PRICKLE1: variants seen among roughly 807,000 people sequenced by gnomAD.
The protein encoded by PRICKLE1 is prickle-like protein 1.
Under a neutral mutation model 70.2 loss-of-function variants are expected in PRICKLE1, and 14 were observed. The ratio of observed to expected loss-of-function variants is 0.20; its 90% CI spans 0.13 to 0.31. The LOEUF (loss-of-function observed/expected upper bound fraction) is 0.31, where lower values mean the gene tolerates loss of function less well. Ranked by LOEUF, PRICKLE1 falls within the 10% of genes least tolerant of loss-of-function variation. The probability of loss-of-function intolerance (pLI) is 1.00; values close to 1 mark genes in which losing one functional copy is unlikely to be tolerated. For synonymous variants in PRICKLE1, 357 were observed against 379.9 expected (o/e 0.94, Z 0.70); for missense variants, 821 against 1,026.2 (o/e 0.80, Z 2.73).
intron 1 of PRICKLE1, among the ~76,000 whole-genome samples, chr12:42,492,027 G>A (rs527512926): frequency 1.3e-5 from 2 of 151,732 alleles, no homozygotes; most frequent in South Asian, 2.1e-4. Context: ...CTAATGACCT[G>A]CCTGTCTCGG....
rs138169382 is a variant in PRICKLE1, at chr12:42,519,443, G to A, written c.-48-46879C>T. 6.6e-5 allele frequency among the ~76,000 whole-genome samples: 10 copies of A among 152,156 alleles called. No individual in the cohort carries two copies. In the East Asian group the frequency reaches 1.7e-3, roughly 26 times the overall value. On this transcript the variant is annotated intron_variant, in intron 1 of 7. Coordinates refer to ENST00000345127, the MANE Select transcript of PRICKLE1 (RefSeq NM_153026.3). ...ACTCCTAACCTCAGGGGATCCATGC[G>A]CCTCGGCCTCCCAAAGTGCCGGGAT...
chr12:42,529,254 G>A (rs375384504), intron 1 of PRICKLE1, among the ~76,000 whole-genome samples: 7 of 152,148 alleles, frequency 4.6e-5, no homozygotes, highest in Admixed American at 4.6e-4. Flanking sequence ...ACTCAAACAT[G>A]TTCCTATGGG....
chr12:42,574,974 C>A (rs1940779686), intron 1 of PRICKLE1, among the ~76,000 whole-genome samples: 3 of 144,002 alleles, frequency 2.1e-5, no homozygotes, highest in Admixed American at 7.0e-5. Context: ...CACAATAAAA[C>A]ACATCTGGAG....
chr12:42,458,944 C>T lies in PRICKLE1; in HGVS notation c.*865G>A. On this transcript the variant is annotated 3_prime_UTR_variant, in exon 8 of 8. Coordinates refer to ENST00000345127, the MANE Select transcript of PRICKLE1 (RefSeq NM_153026.3). ...TTAAAGAGTACTTACATAGCCCCAC[C>T]ATGCATACAGAGCCTTTTTTAATAT... is the stretch of plus-strand genomic sequence containing the variant. 1 of 234,426 alleles carries T rather than the reference C, an allele frequency of 4.3e-6. No homozygotes were observed. Among genetic ancestry groups the T allele is most frequent in the Non-Finnish European group, 8.5e-6 (1 of 117,506 alleles). The allele number at this position is 234,426 out of a possible 1,614,324, so 14.5% of individuals were successfully genotyped here. A position where few individuals can be genotyped will look rare whatever the true frequency, so the allele number is the denominator to read the frequency against.
At position 42,549,119 on chromosome 12, in the gene PRICKLE1, CAAAAAAAAAAA is replaced by C. The variant is rs34355848; in HGVS notation, c.-49+40335_-49+40345del. Among the ~76,000 whole-genome samples the C allele has an allele frequency of 2.4e-3, 132 of 53,976 alleles. 1 individual carries two copies. Among genetic ancestry groups the C allele is most frequent in the Middle Eastern group, 0.011 (1 of 88 alleles). 35.4% of individuals were successfully genotyped at this position (53,976 alleles called of 152,430 possible). ...GGGCAACAGAGTGAGACCCTGTCTC[CAAAAAAAAAAA>C]AAAAAAAAAAAAAACCTAGATAAAG... is the stretch of plus-strand genomic sequence containing the variant. On this transcript the variant is annotated intron_variant, in intron 1 of 7. Transcript: ENST00000345127.
chr12:42,482,591 T>C (rs1938834261), intron 1 of PRICKLE1, among the ~76,000 whole-genome samples: 1 of 152,192 alleles, frequency 6.6e-6, no homozygotes, highest in Non-Finnish European at 1.5e-5. Context: ...CTCCTCTTTG[T>C]GAAACTTACA....
At chr12:42,477,695 C>T (rs1308686458) in intron 1 of PRICKLE1, among the ~76,000 whole-genome samples, 1 of 151,758 alleles carries the variant, frequency 6.6e-6, no homozygotes, top group Admixed American at 6.6e-5. Context: ...TCTGCCAAAA[C>T]ATCATGCTTT....
At chr12:42,478,839 T>C (rs1938680745) in intron 1 of PRICKLE1, among the ~76,000 whole-genome samples, 1 of 151,944 alleles carries the variant, frequency 6.6e-6, no homozygotes, top group Admixed American at 6.6e-5. Flanking sequence ...TCCTTCAAAA[T>C]AGTTAAATAG....
intron 3 of PRICKLE1, 87 bp from the exon 4 acceptor site, chr12:42,469,674 G>T (rs773899717): frequency 1.6e-5 from 25 of 1,565,790 alleles, no homozygotes; most frequent in Non-Finnish European, 2.0e-5. Flanking sequence ...GTTTCAGGAA[G>T]TGAAACAGTA....
intron 7 of PRICKLE1, among the ~76,000 whole-genome samples, chr12:42,460,886 T>G (rs1937805240): frequency 6.7e-6 from 1 of 148,798 alleles, no homozygotes; most frequent in African/African-American, 2.4e-5. Context: ...GTTTTGTTTT[T>G]TTGTTTTGTT....
chr12:42,501,519 A>G lies in PRICKLE1; in HGVS notation c.-48-28955T>C, dbSNP rs1593141524. On this transcript the variant is annotated intron_variant, in intron 1 of 7. Transcript: ENST00000345127. ...GTAAGACTCCATCTCAAAAAAAAAA[A>G]AAAAAAAAAAAGAAAAGAAAAGAGG... Among the ~76,000 whole-genome samples, 3 of 140,072 alleles carry G rather than the reference A, an allele frequency of 2.1e-5. No homozygotes were observed. The South Asian group carries it at 7.0e-4, about 33-fold the overall frequency. The allele number at this position is 140,072 out of a possible 152,430, so 91.9% of individuals were successfully genotyped here.
intron 1 of PRICKLE1, among the ~76,000 whole-genome samples, chr12:42,541,695 C>T (rs1409112348): frequency 6.6e-6 from 1 of 152,162 alleles, no homozygotes; most frequent in East Asian, 1.9e-4. Context: ...CAAGAGACAG[C>T]AGTCCCAGTA....
rs1938264834 is a variant in PRICKLE1 at position 42,470,291 on chromosome 12, A to T, written c.201T>A (p.His67Gln). 1.9e-6 allele frequency: 3 copies of T among 1,614,064 alleles called. No homozygotes were observed. Among genetic ancestry groups the T allele is most frequent in the Non-Finnish European group, 2.5e-6 (3 of 1,179,992 alleles). Residue 67 changes from histidine (H) to glutamine (Q), a missense_variant, in exon 3 of 8, where the codon CAT becomes CAA. His to Gln is a conservative substitution (Grantham distance 24). Coordinates refer to ENST00000345127, the MANE Select transcript of PRICKLE1 (RefSeq NM_153026.3). Reference protein sequence around the residue: ...VPYVNSPGEKHRIKQLLYQLP... With the variant: ...VPYVNSPGEKQRIKQLLYQLP... Reference sequence around the variant, plus strand: ...ACTGGTACAAAAGCTGTTTAATCCGATGCTTCTCTCCGGGGCTGTTAACGT... The same window carrying T: ...ACTGGTACAAAAGCTGTTTAATCCGTTGCTTCTCTCCGGGGCTGTTAACGT...
Position 42,456,816 on chromosome 12 carries a change from T to A in PRICKLE1, c.*2993A>T, listed in dbSNP as rs1235827090. On this transcript the variant is annotated 3_prime_UTR_variant, in exon 8 of 8. Coordinates refer to ENST00000345127, the MANE Select transcript of PRICKLE1 (RefSeq NM_153026.3). ...TTTACAGAACTGTAAGGCAGTTGCTTCTTTCTTCCGTTGTAGATAGTCTTC... is the reference window on the plus strand; with the variant it reads ...TTTACAGAACTGTAAGGCAGTTGCTACTTTCTTCCGTTGTAGATAGTCTTC... The A allele has an allele frequency of 1.3e-5, 2 of 152,222 alleles. No individual in the cohort carries two copies. The highest frequency in any genetic ancestry group is 2.9e-5 in the Non-Finnish European group (2 of 68,044). 9.4% of individuals were successfully genotyped at this position (152,222 alleles called of 1,614,324 possible). A position where few individuals can be genotyped will look rare whatever the true frequency, so the allele number is the denominator to read the frequency against.
At chr12:42,546,315 A>C (rs1287264566) in intron 1 of PRICKLE1, among the ~76,000 whole-genome samples, 2 of 152,252 alleles carry the variant, frequency 1.3e-5, no homozygotes, top group Non-Finnish European at 2.9e-5. Flanking sequence ...AAATTATGTT[A>C]TATTGAGACA....
At position 42,459,650 on chromosome 12, in the gene PRICKLE1, C is replaced by CAAAT; in HGVS notation, c.*155_*158dup. 1 of 884,016 alleles carries CAAAT rather than the reference C, an allele frequency of 1.1e-6. No homozygotes were observed. The highest frequency in any genetic ancestry group is 1.8e-6 in the Non-Finnish European group (1 of 556,182). 54.8% of individuals were successfully genotyped at this position (884,016 alleles called of 1,614,324 possible). A position where few individuals can be genotyped will look rare whatever the true frequency, so the allele number is the denominator to read the frequency against. On this transcript the variant is annotated 3_prime_UTR_variant, in exon 8 of 8. Transcript: ENST00000345127. ...GGTAAATTGGAGAAATCACACCTTT[C>CAAAT]AAATGTTAATCTGACACTGTAAACA...
At chr12:42,488,032 C>A (rs1939020504) in intron 1 of PRICKLE1, among the ~76,000 whole-genome samples, 1 of 152,144 alleles carries the variant, frequency 6.6e-6, no homozygotes, top group Admixed American at 6.6e-5. Flanking sequence ...CAGAGTGATA[C>A]CCTGTCTCCA....
chr12:42,581,982 GA>G (rs557431115), intron 1 of PRICKLE1, among the ~76,000 whole-genome samples: 16 of 150,208 alleles, frequency 1.1e-4, no homozygotes, highest in Admixed American at 4.7e-4. Flanking sequence ...GAAGGGGAGG[GA>G]AAAAAAAAGA....
intron 1 of PRICKLE1, among the ~76,000 whole-genome samples, chr12:42,528,105 G>C (rs1030051516): frequency 3.3e-5 from 5 of 151,994 alleles, no homozygotes; most frequent in Non-Finnish European, 5.9e-5. Flanking sequence ...ATTTGAGACA[G>C]AGTATTGCTC....
Sources: gnomAD v4.1 joint callset for allele counts (sites outside exome capture counted in the v4.1 genomes callset) on GRCh38, gnomAD v4.1.1 for gene constraint, MANE v1.5 for transcripts, NCBI Gene and HGNC (gene_info 2026-07-23, HGNC 2026-07-21) for gene names.